Variants in TENM3 observed in about 807,000 individuals in gnomAD.
TENM3 encodes teneurin transmembrane protein 3.
Under a neutral mutation model 255.1 loss-of-function variants are expected in TENM3, and 63 were observed. The ratio of observed to expected loss-of-function variants is 0.25; its 90% CI spans 0.20 to 0.30. The LOEUF is 0.30. TENM3 is among the 10% of genes least tolerant of loss of function. The pLI, the probability that TENM3 is intolerant of heterozygous loss-of-function variation, is 1.00. For missense variants in TENM3, 2,929 were observed against 3,461.1 expected, an observed-to-expected ratio of 0.85 and a Z score of 3.86; for synonymous variants, 1,306 against 1,322.3, an observed-to-expected ratio of 0.99 and a Z score of 0.27.
At chr4:181,506,809 T>G in the TENM3 span, among the ~76,000 whole-genome samples, 1 of 151,856 alleles carries the variant, frequency 6.6e-6, no homozygotes, top group Non-Finnish European at 1.5e-5. Flanking sequence ...TTACTCTTTC[T>G]GAGAACTGTT....
intron 12 of TENM3, among the ~76,000 whole-genome samples, chr4:182,700,755 TTGG>T (rs781674728): frequency 3.9e-5 from 6 of 152,188 alleles, no homozygotes; most frequent in Non-Finnish European, 8.8e-5. Context: ...AATAATTATG[TTGG>T]TGGGGAATCT....
the TENM3 span, among the ~76,000 whole-genome samples, chr4:181,546,189 C>T: frequency 0.3 from 46,093 of 151,976 alleles, 7,565 homozygotes; most frequent in Admixed American, 0.46. Flanking sequence ...CTCAGATAGC[C>T]CCTTTCAGGC....
chr4:181,476,764 G>A, the TENM3 span, among the ~76,000 whole-genome samples: 1 of 152,112 alleles, frequency 6.6e-6, no homozygotes, highest in Non-Finnish European at 1.5e-5. Flanking sequence ...CAAGGTTTCT[G>A]AGACTTCAAA....
At chr4:181,736,346 A>G in the TENM3 span, among the ~76,000 whole-genome samples, 7 of 152,158 alleles carry the variant, frequency 4.6e-5, no homozygotes, top group African/African-American at 1.7e-4. Context: ...TGATCAAATT[A>G]TGCAAAAAGA....
the TENM3 span, among the ~76,000 whole-genome samples, chr4:182,063,137 C>T: frequency 6.6e-6 from 1 of 152,188 alleles, no homozygotes; most frequent in Non-Finnish European, 1.5e-5. Flanking sequence ...TTTTCAATAA[C>T]ATCAGTTTAT....
chr4:182,489,332 A>G (rs1310993892), intron 3 of TENM3, among the ~76,000 whole-genome samples: 3 of 152,208 alleles, frequency 2.0e-5, no homozygotes, highest in Admixed American at 6.5e-5. Context: ...CTACAGTTTT[A>G]TAATTATTCT....
At chr4:181,936,736 G>C in the TENM3 span, among the ~76,000 whole-genome samples, 5 of 151,878 alleles carry the variant, frequency 3.3e-5, no homozygotes, top group Non-Finnish European at 7.4e-5. Flanking sequence ...GGACCTATCT[G>C]GCTTAATCTA....
chr4:182,050,781 G>A, the TENM3 span, among the ~76,000 whole-genome samples: 7 of 150,984 alleles, frequency 4.6e-5, no homozygotes, highest in East Asian at 2.0e-4. Context: ...TCTAGCCTGG[G>A]TGACAGAGCA....
At chr4:181,645,269 G>C in the TENM3 span, among the ~76,000 whole-genome samples, 4 of 152,168 alleles carry the variant, frequency 2.6e-5, no homozygotes, top group African/African-American at 9.7e-5. Context: ...CCTGGATCCT[G>C]CCTCTCCTCA....
At chr4:182,318,556 T>C (rs1185929617) in intron 1 of TENM3, among the ~76,000 whole-genome samples, 1 of 152,178 alleles carries the variant, frequency 6.6e-6, no homozygotes, top group Non-Finnish European at 1.5e-5. Context: ...AGGCAGGGAT[T>C]GCCTGCCCAT....
At chr4:181,889,112 A>G in the TENM3 span, among the ~76,000 whole-genome samples, 1 of 152,054 alleles carries the variant, frequency 6.6e-6, no homozygotes, top group African/African-American at 2.4e-5. Context: ...CATGGTTTGG[A>G]TATTTGTCCC....
At chr4:182,037,150 A>ATTTTTTTTTTTTTTTTTTTTT in the TENM3 span, among the ~76,000 whole-genome samples, 6 of 144,678 alleles carry the variant, frequency 4.1e-5, no homozygotes, top group African/African-American at 1.6e-4. Flanking sequence ...AACTCCTTTT[A>ATTTTTTTTTTTTTTTTTTTTT]TTTTTTTTTT....
chr4:182,020,409 A>T, the TENM3 span, among the ~76,000 whole-genome samples: 34 of 152,176 alleles, frequency 2.2e-4, no homozygotes, highest in East Asian at 6.2e-3. Context: ...TCTGGGGGAA[A>T]GGGGGAATAG....
At chr4:182,579,237 G>C (rs1223975733) in intron 3 of TENM3, among the ~76,000 whole-genome samples, 1 of 152,196 alleles carries the variant, frequency 6.6e-6, no homozygotes, top group Non-Finnish European at 1.5e-5. Flanking sequence ...ATATATTGGA[G>C]TAGAGAAAGT....
the TENM3 span, among the ~76,000 whole-genome samples, chr4:181,787,601 A>C: frequency 2.0e-5 from 3 of 151,996 alleles, no homozygotes; most frequent in Admixed American, 1.3e-4. Flanking sequence ...CTGCCTCCCA[A>C]AGTGCTGAGA....
chr4:182,359,300 G>A (rs1679443817), intron 3 of TENM3, among the ~76,000 whole-genome samples: 1 of 152,138 alleles, frequency 6.6e-6, no homozygotes, highest in Non-Finnish European at 1.5e-5. Flanking sequence ...AATGGTACCA[G>A]TTCCTCCTTG....
the TENM3 span, among the ~76,000 whole-genome samples, chr4:182,079,259 G>A: frequency 6.6e-6 from 1 of 152,200 alleles, no homozygotes; most frequent in African/African-American, 2.4e-5. Flanking sequence ...GCTCATGCCT[G>A]TAATCCTAGC....
the TENM3 span, among the ~76,000 whole-genome samples, chr4:181,830,425 A>G: frequency 6.6e-6 from 1 of 151,988 alleles, no homozygotes; most frequent in Non-Finnish European, 1.5e-5. Flanking sequence ...ATGTGCCATC[A>G]TGCCCAGCTA....
chr4:181,511,794 C>G, the TENM3 span, among the ~76,000 whole-genome samples: 10 of 152,078 alleles, frequency 6.6e-5, no homozygotes, highest in African/African-American at 2.2e-4. Flanking sequence ...GACTGTGGAC[C>G]ACCAGCGGGT....
Sources: gnomAD v4.1 joint callset for allele counts (sites outside exome capture counted in the v4.1 genomes callset) on GRCh38, gnomAD v4.1.1 for gene constraint, MANE v1.5 for transcripts, NCBI Gene and HGNC (gene_info 2026-07-23, HGNC 2026-07-21) for gene names.